Variants in UBXN2A observed in about 807,000 individuals in gnomAD.
UBXN2A encodes the protein UBX domain protein 2A, also known as UBX domain-containing protein 2A.
Under a neutral mutation model 28.4 loss-of-function variants are expected in UBXN2A, and 28 were observed. That is an observed-to-expected ratio of 0.99 (90% CI 0.73 to 1.35). The LOEUF (loss-of-function observed/expected upper bound fraction) is 1.35, where lower values mean the gene tolerates loss of function less well. Ranked by LOEUF, UBXN2A falls within the 40% of genes most tolerant of loss-of-function variation. The pLI, the probability that UBXN2A is intolerant of heterozygous loss-of-function variation, is 0.00. For synonymous variants in UBXN2A, 97 were observed against 103.6 expected (o/e 0.94, Z 0.39); for missense variants, 253 against 297.9 (o/e 0.85, Z 1.11).
rs759241567 is a variant in UBXN2A at position 23,942,419 on chromosome 2, CTTT to C, written c.-15+1791_-15+1793del. Among the ~76,000 whole-genome samples, 9 of 98,114 alleles carry C rather than the reference CTTT, an allele frequency of 9.2e-5. No individual in the cohort carries two copies. The South Asian group carries it at 1.2e-3, about 13-fold the overall frequency. The allele number at this position is 98,114 out of a possible 152,430, so 64.4% of individuals were successfully genotyped here. On this transcript the variant is annotated intron_variant, in intron 1 of 6. Coordinates refer to ENST00000309033, the MANE Select transcript of UBXN2A (RefSeq NM_181713.4). ...TTAGGGCCAAAGAGATGATGCAGGGCTTTTTTTTTTTTTTTTTTTTTTGTTACA... is the reference window on the plus strand; with the variant it reads ...TTAGGGCCAAAGAGATGATGCAGGGCTTTTTTTTTTTTTTTTTTTGTTACA...
rs1469809673 is a variant in UBXN2A, at chr2:24,003,902, G to A, written c.*4035G>A. Reference sequence around the variant, plus strand: ...TAGTCAACATATGATTCTCCATGTAGGGGTCTCTCATTGAGAATGTTTCCT... The same window carrying A: ...TAGTCAACATATGATTCTCCATGTAAGGGTCTCTCATTGAGAATGTTTCCT... On this transcript the variant is annotated 3_prime_UTR_variant, in exon 7 of 7. Coordinates refer to ENST00000309033, the MANE Select transcript of UBXN2A (RefSeq NM_181713.4). The A allele has an allele frequency of 1.3e-5, 2 of 152,088 alleles. No individual in the cohort carries two copies. Among genetic ancestry groups the A allele is most frequent in the African/African-American group, 4.8e-5 (2 of 41,400 alleles). The allele number at this position is 152,088 out of a possible 1,614,324, so 9.4% of individuals were successfully genotyped here. A position where few individuals can be genotyped will look rare whatever the true frequency, so the allele number is the denominator to read the frequency against.
Position 23,940,497 on chromosome 2 carries a change from C to G in UBXN2A, c.-166C>G, listed in dbSNP as rs1429384424. On this transcript the variant is annotated 5_prime_UTR_variant, in exon 1 of 7. Coordinates refer to ENST00000309033, the MANE Select transcript of UBXN2A (RefSeq NM_181713.4). ...CCTGGCGAAGACCGAGAGAGGCTGG[C>G]GGGATCTCAGCGGCGCGGCCGCGGA... The G allele has an allele frequency of 2.0e-5, 3 of 151,378 alleles. No homozygotes were observed. Among genetic ancestry groups the G allele is most frequent in the South Asian group, 2.1e-4 (1 of 4,840 alleles). The allele number at this position is 151,378 out of a possible 1,614,324, so 9.4% of individuals were successfully genotyped here.
intron 3 of UBXN2A, among the ~76,000 whole-genome samples, chr2:23,972,575 G>A (rs9789691): frequency 6.6e-6 from 1 of 152,140 alleles, no homozygotes; most frequent in African/African-American, 2.4e-5. Context: ...TGTAATCCCA[G>A]CACTTTGGGA....
intron 3 of UBXN2A, among the ~76,000 whole-genome samples, chr2:23,974,495 G>C (rs993154671): frequency 1.3e-5 from 2 of 150,700 alleles, no homozygotes; most frequent in African/African-American, 4.9e-5. Flanking sequence ...ACAGGCACCC[G>C]CCACCACGCC....
At chr2:23,957,551 A>C (rs1184924481) in intron 1 of UBXN2A, among the ~76,000 whole-genome samples, 1 of 151,690 alleles carries the variant, frequency 6.6e-6, no homozygotes, top group Non-Finnish European at 1.5e-5. Context: ...TGATCCACCC[A>C]TGGCTGGGCA....
intron 3 of UBXN2A, among the ~76,000 whole-genome samples, chr2:23,973,189 T>A (rs1464705004): frequency 6.6e-6 from 1 of 151,250 alleles, no homozygotes; most frequent in Non-Finnish European, 1.5e-5. Context: ...CTAGCTAATT[T>A]TTTGTATTTT....
At chr2:23,930,518 G>C (rs1002098915) in intron 1 of UBXN2A, among the ~76,000 whole-genome samples, 21 of 152,160 alleles carry the variant, frequency 1.4e-4, no homozygotes, top group African/African-American at 4.6e-4. Context: ...AGTGACCCCT[G>C]AGATACGTGT....
At chr2:23,970,937 A>T (rs1432687984) in intron 2 of UBXN2A, among the ~76,000 whole-genome samples, 1 of 152,110 alleles carries the variant, frequency 6.6e-6, no homozygotes, top group Admixed American at 6.6e-5. Flanking sequence ...ATACAGATGA[A>T]GCTTTGCTTG....
At chr2:23,944,353 GA>G in intron 1 of UBXN2A, 3 of 1,546,718 alleles carry the variant, frequency 1.9e-6, no homozygotes, top group Non-Finnish European at 2.7e-6. Context: ...GCTGTGTGAA[GA>G]ACTGAGGTGA....
intron 2 of UBXN2A, among the ~76,000 whole-genome samples, chr2:23,964,603 T>C (rs1707088834): frequency 1.3e-5 from 2 of 152,250 alleles, no homozygotes; most frequent in South Asian, 4.1e-4. Context: ...TAGGGGAAAG[T>C]GAAAATGAGG....
chr2:23,985,602 G>GTTTTT (rs34825489), intron 6 of UBXN2A, among the ~76,000 whole-genome samples: 27 of 144,380 alleles, frequency 1.9e-4, no homozygotes, highest in Non-Finnish European at 2.7e-4. Flanking sequence ...TGTCTAGACA[G>GTTTTT]TTTTTTTTTT....
intron 4 of UBXN2A, among the ~76,000 whole-genome samples, chr2:23,982,695 T>A (rs993379068): frequency 2.0e-5 from 3 of 152,186 alleles, no homozygotes; most frequent in Admixed American, 6.5e-5. Flanking sequence ...GAGCTTATGG[T>A]CTTAAAAATT....
At chr2:23,981,370 T>C (rs950472328) in intron 4 of UBXN2A, among the ~76,000 whole-genome samples, 35 of 147,456 alleles carry the variant, frequency 2.4e-4, no homozygotes, top group African/African-American at 8.7e-4. Flanking sequence ...CCTGGCTACT[T>C]GGGAAGCTAA....
At chr2:23,955,144 A>G (rs749977431) in intron 1 of UBXN2A, among the ~76,000 whole-genome samples, 47 of 151,766 alleles carry the variant, frequency 3.1e-4, no homozygotes, top group Admixed American at 7.9e-4. Flanking sequence ...TGCTGTCCAG[A>G]ATGGTCTCGA....
intron 4 of UBXN2A, among the ~76,000 whole-genome samples, chr2:23,980,442 A>G (rs1197093528): frequency 6.6e-6 from 1 of 152,084 alleles, no homozygotes; most frequent in African/African-American, 2.4e-5. Flanking sequence ...ATCCTAACAC[A>G]TTAGCTTCTG....
At chr2:23,945,287 A>G (rs1052389925) in intron 1 of UBXN2A, among the ~76,000 whole-genome samples, 6 of 152,198 alleles carry the variant, frequency 3.9e-5, no homozygotes, top group Admixed American at 1.3e-4. Context: ...CTTGGAGTAT[A>G]TAAGTAGCCC....
intron 1 of UBXN2A, among the ~76,000 whole-genome samples, chr2:23,949,293 C>T (rs1007449484): frequency 6.6e-6 from 1 of 151,740 alleles, no homozygotes; most frequent in Non-Finnish European, 1.5e-5. Flanking sequence ...ATTTATTTGC[C>T]AGGCATGGTG....
At chr2:23,973,012 A>G (rs1256971262) in intron 3 of UBXN2A, among the ~76,000 whole-genome samples, 2 of 152,158 alleles carry the variant, frequency 1.3e-5, no homozygotes, top group Admixed American at 1.3e-4. Flanking sequence ...TTTCTGCAAG[A>G]AAGAATGGTT....
rs1391475503 is a variant in UBXN2A, at chr2:24,003,817, A to C, written c.*3950A>C. On this transcript the variant is annotated 3_prime_UTR_variant, in exon 7 of 7. Transcript: ENST00000309033. ...ACAGGATGACAGTTAATACATGTTCAGGAATCTAAGAAAATGTTTCATATA... is the reference window on the plus strand; with the variant it reads ...ACAGGATGACAGTTAATACATGTTCCGGAATCTAAGAAAATGTTTCATATA... 3 of 152,032 alleles carry C rather than the reference A, an allele frequency of 2.0e-5. No individual in the cohort carries two copies. Among genetic ancestry groups the C allele is most frequent in the Non-Finnish European group, 2.9e-5 (2 of 68,012 alleles). 9.4% of individuals were successfully genotyped at this position (152,032 alleles called of 1,614,324 possible).
Sources: gnomAD v4.1 joint callset for allele counts (sites outside exome capture counted in the v4.1 genomes callset) on GRCh38, gnomAD v4.1.1 for gene constraint, MANE v1.5 for transcripts, NCBI Gene and HGNC (gene_info 2026-07-23, HGNC 2026-07-21) for gene names.